Variants in CCDC88B observed in about 807,000 individuals in gnomAD.
The protein encoded by CCDC88B is coiled-coil domain-containing protein 88B.
Under a neutral mutation model 183.7 loss-of-function variants are expected in CCDC88B, and 138 were observed. That is an observed-to-expected ratio of 0.75 (90% CI 0.65 to 0.87). The LOEUF (loss-of-function observed/expected upper bound fraction) is 0.87. Ranked by LOEUF, CCDC88B falls within the 40% of genes least tolerant of loss-of-function variation. CCDC88B has a pLI of 0.00. For missense variants in CCDC88B, 1,822 were observed against 1,965.6 expected, an observed-to-expected ratio of 0.93 and a Z score of 1.38; for synonymous variants, 835 against 867.5, an observed-to-expected ratio of 0.96 and a Z score of 0.66.
intron 8 of CCDC88B, 66 bp downstream of exon 8, chr11:64,342,205 T>C: frequency 6.3e-7 from 1 of 1,588,464 alleles, no homozygotes; most frequent in South Asian, 1.1e-5. Context: ...GATGGGACCC[T>C]AGCCCTGGTG....
chr11:64,349,565 A>G lies in CCDC88B; in HGVS notation c.2759A>G (p.Glu920Gly). 6.2e-7 allele frequency: 1 copy of G among 1,601,114 alleles called. No individual in the cohort carries two copies. Among genetic ancestry groups the G allele is most frequent in the Non-Finnish European group, 8.5e-7 (1 of 1,175,418 alleles). The change falls in exon 16 of 27, where the codon GAG becomes GGG. Residue 920 changes from glutamate (E) to glycine (G), a missense_variant. Coordinates refer to ENST00000356786, the MANE Select transcript of CCDC88B (RefSeq NM_032251.6). ...TCTCCTGGCAGGTACCAGGGCTTGGAGCAGCGGCTGGAAGCTGAGCTGCAG... is the reference window on the plus strand; with the variant it reads ...TCTCCTGGCAGGTACCAGGGCTTGGGGCAGCGGCTGGAAGCTGAGCTGCAG... ...ESQHQRYQGL[E>G]QRLEAELQAA...
In CCDC88B at chr11:64,341,682, G is replaced by T; in HGVS notation, c.615G>T (p.Leu205=). ...TGGCACCTGCCGAGCTGGAGATGCTGTCCCGGAGCCTGATGGGGACACTGT... is the reference window on the plus strand; with the variant it reads ...TGGCACCTGCCGAGCTGGAGATGCTTTCCCGGAGCCTGATGGGGACACTGT... The part of the protein sequence containing the change: ...GELAPAELEM[L]SRSLMGTLSK... Residue 205 remains leucine, a synonymous_variant, in exon 7 of 27, where the codon CTG becomes CTT. Coordinates refer to ENST00000356786, the MANE Select transcript of CCDC88B (RefSeq NM_032251.6). The T allele has an allele frequency of 6.2e-7, 1 of 1,608,336 alleles. No individual in the cohort carries two copies. Among genetic ancestry groups the T allele is most frequent in the Non-Finnish European group, 8.5e-7 (1 of 1,177,568 alleles).
At position 64,343,635 on chromosome 11, in the gene CCDC88B, G is replaced by A. The variant is rs536681914; in HGVS notation, c.1318+20G>A. ...GGGAGGGTGAGGGACCCCACTGGAAGGGCTGGGGTGGGGGCTTCCTATGCT... is the reference window on the plus strand; with the variant it reads ...GGGAGGGTGAGGGACCCCACTGGAAAGGCTGGGGTGGGGGCTTCCTATGCT... On this transcript the variant is annotated intron_variant, in intron 12 of 26. Transcript: ENST00000356786. The A allele has an allele frequency of 6.5e-7, 1 of 1,549,342 alleles. No homozygotes were observed. Among genetic ancestry groups the A allele is most frequent in the East Asian group, 2.4e-5 (1 of 40,948 alleles).
intron 14 of CCDC88B, 167 bp from the exon 15 acceptor site, chr11:64,349,164 C>G (rs780414196): frequency 1.2e-6 from 1 of 844,824 alleles, no homozygotes; most frequent in Non-Finnish European, 1.9e-6. Context: ...TTCAAGGGCC[C>G]CAGGCTTTGC....
Position 64,342,630 on chromosome 11 carries a change from CGCTGCCGCGAGCG to C in CCDC88B, c.1018_1030del (p.Glu341ArgfsTer98). 6.6e-7 allele frequency: 1 copy of C among 1,526,010 alleles called. No individual in the cohort carries two copies. Among genetic ancestry groups the C allele is most frequent in the Non-Finnish European group, 8.7e-7 (1 of 1,143,238 alleles). 94.5% of individuals were successfully genotyped at this position (1,526,010 alleles called of 1,614,324 possible). A position where few individuals can be genotyped will look rare whatever the true frequency, so the allele number is the denominator to read the frequency against. On this transcript the variant is annotated frameshift_variant, in exon 10 of 27. Transcript: ENST00000356786. LOFTEE classifies it high-confidence loss of function. ...GCCCCGCCTGCAGGAGGAGCTGAGG[CGCTGCCGCGAGCG>C]GCTGCAGGCGGCTGAGGCCTACAAG...
chr11:64,347,366 C>T (rs2036154258), intron 14 of CCDC88B, among the ~76,000 whole-genome samples: 1 of 152,204 alleles, frequency 6.6e-6, no homozygotes. Context: ...CAATGGGCCC[C>T]AGTGCTAGGG....
In CCDC88B at chr11:64,355,329, G is replaced by A. The variant is rs2036512307; in HGVS notation, c.4235G>A (p.Gly1412Glu). ...VGRSSESFSPGDTPRQRFRQR... is the reference protein window; with the variant it reads ...VGRSSESFSPEDTPRQRFRQR... The stretch of plus-strand genomic sequence containing the variant: ...CGAAGCTCTGAGTCATTCAGCCCTG[G>A]GGACACCCCTAGGCAACGATTCCGA... The change falls in exon 25 of 27, where the codon GGG (glycine) becomes GAG (glutamate). Residue 1412 changes from glycine to glutamate, a missense_variant. Coordinates refer to ENST00000356786, the MANE Select transcript of CCDC88B (RefSeq NM_032251.6). The A allele has an allele frequency of 6.3e-7, 1 of 1,595,472 alleles. No homozygotes were observed. Among genetic ancestry groups the A allele is most frequent in the South Asian group, 1.1e-5 (1 of 88,722 alleles).
chr11:64,340,796 A>T, intron 2 of CCDC88B, 44 bp downstream of exon 2: 1 of 1,564,930 alleles, frequency 6.4e-7, no homozygotes, highest in Non-Finnish European at 8.6e-7. Context: ...AGGATCTGAG[A>T]GGAGGGGAAG....
Position 64,341,012 on chromosome 11 carries a change from C to G in CCDC88B, c.312C>G (p.Phe104Leu). ...LNHLWGRLRD[F>L]YQEELQLLIL... is the part of the protein sequence containing the mutation. ...ACCTGTGGGGCCGACTGAGGGACTTCTACCAGGTAAGGGGTCTCGAGGGAA... is the reference window on the plus strand; with the variant it reads ...ACCTGTGGGGCCGACTGAGGGACTTGTACCAGGTAAGGGGTCTCGAGGGAA... The change falls in exon 3 of 27, where the codon TTC (phenylalanine) becomes TTG (leucine). Residue 104 changes from phenylalanine to leucine, a missense_variant. Phe to Leu is a conservative substitution (Grantham distance 22, BLOSUM62 0). Transcript: ENST00000356786. 1 of 1,610,878 alleles carries G rather than the reference C, an allele frequency of 6.2e-7. No individual in the cohort carries two copies. The highest frequency in any genetic ancestry group is 8.5e-7 in the Non-Finnish European group (1 of 1,178,164).
At position 64,353,213 on chromosome 11, in the gene CCDC88B, C is replaced by T. The variant is rs767261247; in HGVS notation, c.3660C>T (p.Ser1220=). ...LRESNQQLDL[S]ACRLTTQCEL... ...AGTCCAACCAGCAGCTGGACCTGAG[C>T]GCCTGCCGGCTGACCACGCAGTGTG... The change falls in exon 21 of 27, where the codon AGC becomes AGT. Residue 1220 remains serine, a synonymous_variant. Coordinates refer to ENST00000356786, the MANE Select transcript of CCDC88B (RefSeq NM_032251.6). The T allele has an allele frequency of 1.9e-5, 30 of 1,567,312 alleles. No individual in the cohort carries two copies. The highest frequency in any genetic ancestry group is 7.4e-5 in the Admixed American group (4 of 54,150).
At position 64,343,303 on chromosome 11, in the gene CCDC88B, C is replaced by A. The variant is rs1360644366; in HGVS notation, c.1187C>A (p.Thr396Asn). 6.5e-6 allele frequency: 10 copies of A among 1,550,248 alleles called. No individual in the cohort carries two copies. The highest frequency in any genetic ancestry group is 1.4e-5 in the African/African-American group (1 of 73,038). ...ETQRENLLLR[T>N]RLGEAHAELD... is the part of the protein sequence containing the mutation. ...CAGCGCGAGAACCTGCTGCTGCGAA[C>A]CCGGCTGGGCGAGGCCCATGCGGTA... Residue 396 changes from threonine to asparagine, a missense_variant, in exon 11 of 27, where the codon ACC becomes AAC. Thr to Asn is a moderately conservative substitution (Grantham distance 65, BLOSUM62 0). Transcript: ENST00000356786.
At position 64,340,923 on chromosome 11, in the gene CCDC88B, G is replaced by T; in HGVS notation, c.223G>T (p.Gly75Trp). 1 of 1,561,896 alleles carries T rather than the reference G, an allele frequency of 6.4e-7. No individual in the cohort carries two copies. Among genetic ancestry groups the T allele is most frequent in the Non-Finnish European group, 8.7e-7 (1 of 1,153,096 alleles). Residue 75 changes from glycine to tryptophan, a missense_variant, in exon 3 of 27, where the codon GGG (glycine) becomes TGG (tryptophan). By Grantham distance (184) the Gly-to-Trp change is radical (BLOSUM62 -2). Coordinates refer to ENST00000356786, the MANE Select transcript of CCDC88B (RefSeq NM_032251.6). ...VLGIIAPSSR[G>W]GPRMLRGLDG... ...GGCTCATAGTGCCCCCAGCTCCCGAGGGGGACCTCGGATGCTCAGAGGCCT... is the reference window on the plus strand; with the variant it reads ...GGCTCATAGTGCCCCCAGCTCCCGATGGGGACCTCGGATGCTCAGAGGCCT...
chr11:64,352,720 C>A, intron 19 of CCDC88B, 24 bp from the exon 20 acceptor site: 1 of 1,613,186 alleles, frequency 6.2e-7, no homozygotes, highest in South Asian at 1.1e-5. Context: ...TCACACAGCC[C>A]TCTTAGCCCC....
chr11:64,344,888 G>C lies in CCDC88B; in HGVS notation c.2347G>C (p.Ala783Pro). The part of the protein sequence containing the change: ...RRAEAEAHRE[A>P]EAQAWEQARL... ...GGCAGAGGCCGAGGCCCACCGGGAG[G>C]CAGAGGCCCAGGCCTGGGAGCAAGC... Residue 783 changes from alanine to proline, a missense_variant, in exon 14 of 27, where the codon GCA becomes CCA. By Grantham distance (27) the Ala-to-Pro change is conservative (BLOSUM62 -1). Transcript: ENST00000356786. This position sits in a 1 kb window ranked among gnomAD's most constrained non-coding sequence, Gnocchi z 4.5. The C allele has an allele frequency of 6.3e-7, 1 of 1,596,132 alleles. No homozygotes were observed. Among genetic ancestry groups the C allele is most frequent in the Non-Finnish European group, 8.5e-7 (1 of 1,171,342 alleles).
rs1368935751 is a variant in CCDC88B, at chr11:64,343,802, C to T, written c.1343C>T (p.Ser448Leu). Residue 448 changes from serine (S) to leucine (L), a missense_variant, in exon 13 of 27, where the codon TCG becomes TTG. Coordinates refer to ENST00000356786, the MANE Select transcript of CCDC88B (RefSeq NM_032251.6). ...GEAPLAGAAPSLQDEVREAEA... is the reference protein window; with the variant it reads ...GEAPLAGAAPLLQDEVREAEA... ...GCACCCCTAGCAGGAGCGGCCCCCTCGCTGCAAGATGAGGTGAGGGAGGCA... is the reference window on the plus strand; with the variant it reads ...GCACCCCTAGCAGGAGCGGCCCCCTTGCTGCAAGATGAGGTGAGGGAGGCA... The T allele has an allele frequency of 4.4e-6, 7 of 1,584,474 alleles. No individual in the cohort carries two copies. The highest frequency in any genetic ancestry group is 2.3e-5 in the South Asian group (2 of 87,224).
intron 17 of CCDC88B, 45 bp downstream of exon 17, chr11:64,351,300 G>C: frequency 6.7e-7 from 1 of 1,502,382 alleles, no homozygotes; most frequent in Non-Finnish European, 8.9e-7. Context: ...GCCCCGTGCA[G>C]TGTGAGTGTG....
Position 64,353,112 on chromosome 11 carries a change from G to A in CCDC88B, c.3559G>A (p.Gly1187Arg), listed in dbSNP as rs757017821. ...GCGGGGTGAGCTGCAGGGTGAACGC[G>A]GGGAGCTACGGGGCCGGCTGGCGCG... Reference protein sequence around the residue: ...RERGELQGERGELRGRLARLE... With the variant: ...RERGELQGERRELRGRLARLE... Residue 1187 changes from glycine (G) to arginine (R), a missense_variant, in exon 21 of 27, where the codon GGG (glycine) becomes AGG (arginine). Physicochemically the swap from Gly to Arg is moderately radical, Grantham distance 125 (BLOSUM62 -2). Transcript: ENST00000356786. The A allele has an allele frequency of 3.9e-5, 63 of 1,606,708 alleles. No homozygotes were observed. The Middle Eastern group carries it at 4.2e-3, about 108-fold the overall frequency.
chr11:64,343,536 C>T lies in CCDC88B; in HGVS notation c.1239C>T (p.Asp413=), dbSNP rs980217140. 2 of 1,551,830 alleles carry T rather than the reference C, an allele frequency of 1.3e-6. No homozygotes were observed. Among genetic ancestry groups the T allele is most frequent in the African/African-American group, 1.4e-5 (1 of 73,048 alleles). Residue 413 remains aspartate, a synonymous_variant, in exon 12 of 27, where the codon GAC becomes GAT. Coordinates refer to ENST00000356786, the MANE Select transcript of CCDC88B (RefSeq NM_032251.6). ...AELDSLRHQV[D]QLAEENVELE... Reference sequence around the variant, plus strand: ...TGGACTCTCTGCGGCATCAGGTGGACCAGCTGGCTGAGGAGAATGTGGAGC... The same window carrying T: ...TGGACTCTCTGCGGCATCAGGTGGATCAGCTGGCTGAGGAGAATGTGGAGC...
At chr11:64,355,726 T>G in intron 26 of CCDC88B, 98 bp downstream of exon 26, 1 of 1,196,998 alleles carries the variant, frequency 8.4e-7, no homozygotes, top group Non-Finnish European at 1.2e-6. Flanking sequence ...AATGATCCTT[T>G]ACCAAGTGCC....
Sources: gnomAD v4.1 joint callset for allele counts (sites outside exome capture counted in the v4.1 genomes callset) on GRCh38, gnomAD v4.1.1 for gene constraint, Gnocchi (gnomAD v3.1) non-coding constraint, MANE v1.5 for transcripts, NCBI Gene and HGNC (gene_info 2026-07-23, HGNC 2026-07-21) for gene names.